The following TTC34 variants were observed in gnomAD, a reference collection of about 807,000 sequenced individuals.
The protein encoded by TTC34 is tetratricopeptide repeat domain 34, also known as tetratricopeptide repeat protein 34.
TTC34 carries 44 observed loss-of-function variants against 40.7 expected under a neutral mutation model. The observed-to-expected ratio is 1.08, with a 90% CI of 0.85 to 1.39. The LOEUF is 1.39. Ranked by LOEUF, TTC34 falls within the 40% of genes most tolerant of loss-of-function variation. The pLI is 0.00. For synonymous variants in TTC34, 422 were observed against 398.6 expected (o/e 1.06, Z -0.70); for missense variants, 884 against 838.0 (o/e 1.05, Z -0.68).
chr1:2,676,957 A>G (rs1028386709), intron 6 of TTC34, among the ~76,000 whole-genome samples: 1 of 147,424 alleles, frequency 6.8e-6, no homozygotes, highest in African/African-American at 2.6e-5. Context: ...AGCATGGAAC[A>G]GCACCCTGCA....
chr1:2,637,470 G>C (rs1475906865), exon 9 of TTC34: 1 of 152,292 alleles, frequency 6.6e-6, no homozygotes, highest in Non-Finnish European at 1.5e-5. Context: ...TTGTTGCTTG[G>C]GCTGGGCTGC....
At chr1:2,695,069 C>CT (rs1640799412) in intron 6 of TTC34, among the ~76,000 whole-genome samples, 4 of 79,418 alleles carry the variant, frequency 5.0e-5, no homozygotes, top group African/African-American at 7.6e-5. Flanking sequence ...AAACAGCACA[C>CT]ACACCCCCAG....
chr1:2,794,045 G>C (rs532114890), intron 2 of TTC34, among the ~76,000 whole-genome samples: 69 of 152,208 alleles, frequency 4.5e-4, no homozygotes, highest in South Asian at 1.5e-3. Context: ...GCCCAGGCTG[G>C]CATGCAGTGG....
chr1:2,685,405 G>C (rs531422201), intron 6 of TTC34, among the ~76,000 whole-genome samples: 1 of 140,708 alleles, frequency 7.1e-6, no homozygotes, highest in Non-Finnish European at 1.5e-5. Flanking sequence ...ACAACCACAG[G>C]TGAGCATCGG....
At chr1:2,648,760 C>A (rs1214752876) in intron 6 of TTC34, among the ~76,000 whole-genome samples, 1 of 145,460 alleles carries the variant, frequency 6.9e-6, no homozygotes, top group Admixed American at 6.9e-5. Flanking sequence ...CCCAGGTGAG[C>A]ACAGGTGAAC....
chr1:2,798,987 AAGCCTCCC>A (rs1410756867), intron 2 of TTC34, among the ~76,000 whole-genome samples: 41 of 22,242 alleles, frequency 1.8e-3, no homozygotes, highest in Non-Finnish European at 3.2e-3. Context: ...CTCAGCCTCC[AAGCCTCCC>A]AGCCTCCCAG....
chr1:2,683,429 T>G (rs61763525), intron 6 of TTC34, among the ~76,000 whole-genome samples: 15 of 71,710 alleles, frequency 2.1e-4, no homozygotes, highest in East Asian at 7.3e-4. Flanking sequence ...ACACCACCCT[T>G]CACCCCCAGG....
chr1:2,783,981 G>A (rs914470884), intron 5 of TTC34, among the ~76,000 whole-genome samples: 2 of 152,154 alleles, frequency 1.3e-5, no homozygotes, highest in Non-Finnish European at 2.9e-5. Context: ...AGCCAGGACT[G>A]GGGACAGCTG....
chr1:2,752,569 G>A (rs1201474947), intron 6 of TTC34, among the ~76,000 whole-genome samples: 1 of 32,194 alleles, frequency 3.1e-5, no homozygotes, highest in African/African-American at 1.5e-4. Flanking sequence ...ACAGCACCTT[G>A]CACCCCCAGG....
chr1:2,786,035 C>A lies in TTC34; in HGVS notation c.1855-12G>T. Reference sequence around the variant, plus strand: ...AGCTTCTTCACCAACTGCAAGGGTGCCACAGTCACTGCCCATGCCCTTGGG... The same window carrying A: ...AGCTTCTTCACCAACTGCAAGGGTGACACAGTCACTGCCCATGCCCTTGGG... On this transcript the variant is annotated splice_polypyrimidine_tract_variant and intron_variant, in intron 4 of 8. Transcript: ENST00000401095. 13 of 1,456,054 alleles carry A rather than the reference C, an allele frequency of 8.9e-6. No homozygotes were observed. The highest frequency in any genetic ancestry group is 1.2e-5 in the Non-Finnish European group (13 of 1,095,866). The allele number at this position is 1,456,054 out of a possible 1,614,324, so 90.2% of individuals were successfully genotyped here. A position where few individuals can be genotyped will look rare whatever the true frequency, so the allele number is the denominator to read the frequency against.
intron 6 of TTC34, among the ~76,000 whole-genome samples, chr1:2,655,801 A>C (rs2100234584): frequency 6.6e-6 from 1 of 152,268 alleles, no homozygotes; most frequent in East Asian, 1.9e-4. Context: ...GATGGTCTGG[A>C]GCAGCACCCA....
At chr1:2,777,519 G>A (rs183391695) in intron 6 of TTC34, among the ~76,000 whole-genome samples, 1 of 152,176 alleles carries the variant, frequency 6.6e-6, no homozygotes, top group Non-Finnish European at 1.5e-5. Context: ...GCATATGACC[G>A]CCTGGAAGAA....
intron 6 of TTC34, among the ~76,000 whole-genome samples, chr1:2,652,509 GC>G: frequency 7.2e-6 from 1 of 138,978 alleles, no homozygotes; most frequent in African/African-American, 2.8e-5. Context: ...CTGACGGCCT[GC>G]AACAGCACCC....
intron 6 of TTC34, among the ~76,000 whole-genome samples, chr1:2,690,106 T>C (rs1374808028): frequency 5.6e-5 from 7 of 125,462 alleles, no homozygotes; most frequent in East Asian, 5.1e-4. Context: ...CACCCCCAGG[T>C]GAGTATCTGA....
intron 6 of TTC34, among the ~76,000 whole-genome samples, chr1:2,649,722 T>C (rs535525715): frequency 6.6e-6 from 1 of 152,304 alleles, no homozygotes; most frequent in South Asian, 2.1e-4. Context: ...GGTTTCACCA[T>C]GTTGACCAGG....
chr1:2,688,478 C>G (rs1178920830), intron 6 of TTC34, among the ~76,000 whole-genome samples: 3 of 117,372 alleles, frequency 2.6e-5, no homozygotes, highest in Non-Finnish European at 4.9e-5. Flanking sequence ...CATTGTGGAG[C>G]AGCACCCCAC....
At chr1:2,682,035 A>T (rs1459290473) in intron 6 of TTC34, among the ~76,000 whole-genome samples, 1 of 96,830 alleles carries the variant, frequency 1.0e-5, no homozygotes. Context: ...CCCACAGGTG[A>T]GCATCTGACA....
At chr1:2,785,120 G>A (rs1460417649) in intron 5 of TTC34, among the ~76,000 whole-genome samples, 2 of 152,200 alleles carry the variant, frequency 1.3e-5, no homozygotes, top group African/African-American at 2.4e-5. Flanking sequence ...CATGGGCAAC[G>A]CTGCCATCCC....
intron 6 of TTC34, among the ~76,000 whole-genome samples, chr1:2,687,514 C>T (rs571070882): frequency 2.0e-3 from 286 of 146,294 alleles, no homozygotes; most frequent in African/African-American, 7.4e-3. Flanking sequence ...CATCCTTGAG[C>T]AGCACCCACA....
Sources: allele counts gnomAD v4.1 joint callset (sites outside exome capture counted in the v4.1 genomes callset), GRCh38; gene constraint gnomAD v4.1.1; transcripts MANE v1.5; gene names NCBI Gene and HGNC (gene_info 2026-07-23, HGNC 2026-07-21).